Variants in TWF1 observed in about 807,000 individuals in gnomAD.
TWF1 encodes twinfilin actin binding protein 1.
In TWF1, 14 loss-of-function variants were observed where a neutral mutation model predicts 47.9. The observed-to-expected ratio is 0.29, with a 90% CI of 0.19 to 0.46. TWF1 has a LOEUF of 0.46. Ranked by LOEUF, TWF1 falls within the 20% of genes least tolerant of loss-of-function variation. The pLI is 1.00. For synonymous variants in TWF1, 96 were observed against 139.2 expected (o/e 0.69, Z 2.18); for missense variants, 281 against 409.3 (o/e 0.69, Z 2.70).
intron 1 of TWF1, chr12:43,805,990 AT>A (rs765768179): frequency 1.3e-6 from 2 of 1,534,000 alleles, no homozygotes; most frequent in African/African-American, 2.7e-5. Flanking sequence ...GCTCCCCCGA[AT>A]TTCGGATCAA....
chr12:43,799,312 C>T (rs1454724500), intron 5 of TWF1, 86 bp downstream of exon 5: 1 of 855,870 alleles, frequency 1.2e-6, no homozygotes, highest in African/African-American at 1.7e-5. Flanking sequence ...TCTTTAATCT[C>T]TAGTTATCCT....
chr12:43,800,561 T>C (rs769392500), intron 3 of TWF1, 31 bp from the exon 4 acceptor site: 6 of 1,537,636 alleles, frequency 3.9e-6, no homozygotes, highest in African/African-American at 1.4e-5. Flanking sequence ...ACTTAGTTTA[T>C]AGATGAAAAC....
intron 2 of TWF1, chr12:43,804,105 C>A: frequency 3.3e-6 from 1 of 306,732 alleles, no homozygotes; most frequent in Non-Finnish European, 6.7e-6. Context: ...GTTTGATATC[C>A]TTTGTTTATA....
At chr12:43,800,151 T>G (rs1214250584) in intron 4 of TWF1, among the ~76,000 whole-genome samples, 1 of 152,194 alleles carries the variant, frequency 6.6e-6, no homozygotes, top group Non-Finnish European at 1.5e-5. Flanking sequence ...TATATTTCAG[T>G]GTTTCAATTT....
chr12:43,806,206 G>A lies in TWF1; in HGVS notation c.25+15C>T, dbSNP rs1942769044. ...CGGAAGCCCCTTCCCTGCGAGTCGC[G>A]CCGGGCGCTGTTACCTTGGATGCCG... On this transcript the variant is annotated intron_variant, in intron 1 of 8. Transcript: ENST00000395510. The A allele has an allele frequency of 2.6e-6, 4 of 1,539,720 alleles. No homozygotes were observed. Among genetic ancestry groups the A allele is most frequent in the Middle Eastern group, 1.9e-4 (1 of 5,260 alleles).
chr12:43,802,589 A>G, intron 2 of TWF1, 125 bp from the exon 3 acceptor site: 2 of 731,996 alleles, frequency 2.7e-6, no homozygotes, highest in Non-Finnish European at 4.5e-6. Flanking sequence ...CAAAAAGTTG[A>G]AAAGAAAAAT....
chr12:43,800,365 C>T, intron 4 of TWF1, 70 bp downstream of exon 4: 1 of 1,071,970 alleles, frequency 9.3e-7, no homozygotes. Context: ...GTATCAATTA[C>T]CCATTACCTA....
At chr12:43,805,218 T>C (rs1942735722) in intron 1 of TWF1, among the ~76,000 whole-genome samples, 1 of 152,228 alleles carries the variant, frequency 6.6e-6, no homozygotes, top group African/African-American at 2.4e-5. Flanking sequence ...CAAGAACCAC[T>C]ATGTAAGTAG....
At chr12:43,803,917 G>C (rs1206348551) in intron 2 of TWF1, among the ~76,000 whole-genome samples, 1 of 151,992 alleles carries the variant, frequency 6.6e-6, no homozygotes, top group Non-Finnish European at 1.5e-5. Context: ...AACAATAATT[G>C]TTCAAATTCA....
chr12:43,805,264 A>G (rs1162634276), intron 1 of TWF1, among the ~76,000 whole-genome samples: 1 of 152,256 alleles, frequency 6.6e-6, no homozygotes, highest in Non-Finnish European at 1.5e-5. Flanking sequence ...ATGAGAGTCA[A>G]TAACTACATA....
At chr12:43,796,107 G>A (rs965037649) in intron 8 of TWF1, among the ~76,000 whole-genome samples, 1 of 152,148 alleles carries the variant, frequency 6.6e-6, no homozygotes, top group African/African-American at 2.4e-5. Context: ...CCCTCTACAA[G>A]AGAGGTAAAC....
rs1942638729 is a variant in TWF1, at chr12:43,800,445, C to A, written c.368G>T (p.Gly123Val). ...GGGHIKDEVF[G>V]TVKEDVSLHG... Reference sequence around the variant, plus strand: ...ATACAAACATAATACCTTTACTGTTCCAAATACTTCATCTTTAATGTGGCC... The same window carrying A: ...ATACAAACATAATACCTTTACTGTTACAAATACTTCATCTTTAATGTGGCC... The change falls in exon 4 of 9, where the codon GGA (glycine) becomes GTA (valine). Residue 123 changes from glycine (G) to valine (V), a missense_variant. By Grantham distance (109) the Gly-to-Val change is moderately radical (BLOSUM62 -3). Coordinates refer to ENST00000395510, the MANE Select transcript of TWF1 (RefSeq NM_002822.5). The A allele has an allele frequency of 1.9e-6, 3 of 1,612,226 alleles. No individual in the cohort carries two copies. The East Asian group carries it at 6.7e-5, about 36-fold the overall frequency.
chr12:43,806,152 T>G, intron 1 of TWF1, 69 bp downstream of exon 1: 1 of 1,399,674 alleles, frequency 7.1e-7, no homozygotes, highest in Non-Finnish European at 9.7e-7. Flanking sequence ...CTGCCGGTCC[T>G]GCAGCCCTCC....
chr12:43,795,446 A>T lies in TWF1; in HGVS notation c.*139T>A. On this transcript the variant is annotated 3_prime_UTR_variant, in exon 9 of 9. Transcript: ENST00000395510. ...CTTCTATAACATTAATTTTAAAAACACACAGAAGTGAAAAGTGCTATTTTC... is the reference window on the plus strand; with the variant it reads ...CTTCTATAACATTAATTTTAAAAACTCACAGAAGTGAAAAGTGCTATTTTC... 1 of 665,304 alleles carries T rather than the reference A, an allele frequency of 1.5e-6. No individual in the cohort carries two copies. Among genetic ancestry groups the T allele is most frequent in the Non-Finnish European group, 2.5e-6 (1 of 403,264 alleles). 41.2% of individuals were successfully genotyped at this position (665,304 alleles called of 1,614,324 possible).
rs1026998124 is a variant in TWF1, at chr12:43,795,341, C to T, written c.*244G>A. 36 of 409,060 alleles carry T rather than the reference C, an allele frequency of 8.8e-5. No homozygotes were observed. Among genetic ancestry groups the T allele is most frequent in the East Asian group, 2.9e-4 (7 of 24,534 alleles). 25.3% of individuals were successfully genotyped at this position (409,060 alleles called of 1,614,324 possible). A position where few individuals can be genotyped will look rare whatever the true frequency, so the allele number is the denominator to read the frequency against. ...AGAAGTATTTGAAGTGTGGAATCAACGCTATGAAAACAGTGTGACAAAATT... is the reference window on the plus strand; with the variant it reads ...AGAAGTATTTGAAGTGTGGAATCAATGCTATGAAAACAGTGTGACAAAATT... On this transcript the variant is annotated 3_prime_UTR_variant, in exon 9 of 9. Transcript: ENST00000395510.
At position 43,806,172 on chromosome 12, in the gene TWF1, C is replaced by T. The variant is rs1388336210; in HGVS notation, c.25+49G>A. 2.6e-6 allele frequency: 4 copies of T among 1,537,254 alleles called. No homozygotes were observed. In the South Asian group the frequency reaches 3.6e-5, roughly 14 times the overall value. On this transcript the variant is annotated intron_variant, in intron 1 of 8. Transcript: ENST00000395510. Reference sequence around the variant, plus strand: ...GGTCCTGCAGCCCTCCCGGCTCTCCCGGCTCTCCCGGAAGCCCCTTCCCTG... The same window carrying T: ...GGTCCTGCAGCCCTCCCGGCTCTCCTGGCTCTCCCGGAAGCCCCTTCCCTG...
Position 43,797,711 on chromosome 12 carries a change from C to G in TWF1, c.606G>C (p.Gln202His). The change falls in exon 6 of 9, where the codon CAG becomes CAC. Residue 202 changes from glutamine to histidine, a missense_variant. Coordinates refer to ENST00000395510, the MANE Select transcript of TWF1 (RefSeq NM_002822.5). The stretch of plus-strand genomic sequence containing the variant: ...ATAATCATTATACATCTCTTACCAA[C>G]TGCACATAGTTGAGCTGTCTATTAT... ...KLNNRQLNYV[Q>H]LEIDIKNEII... 1.2e-6 allele frequency: 2 copies of G among 1,611,538 alleles called. No individual in the cohort carries two copies. Among genetic ancestry groups the G allele is most frequent in the Non-Finnish European group, 8.5e-7 (1 of 1,179,272 alleles).
Position 43,799,421 on chromosome 12 carries a change from G to T in TWF1, c.460C>A (p.Leu154Ile), listed in dbSNP as rs772151518. 1.2e-6 allele frequency: 2 copies of T among 1,609,010 alleles called. No individual in the cohort carries two copies. Among genetic ancestry groups the T allele is most frequent in the Admixed American group, 1.7e-5 (1 of 59,806 alleles). The change falls in exon 5 of 9, where the codon CTA becomes ATA. Residue 154 changes from leucine (L) to isoleucine (I), a missense_variant. By Grantham distance (5) the Leu-to-Ile change is conservative. Coordinates refer to ENST00000395510, the MANE Select transcript of TWF1 (RefSeq NM_002822.5). The part of the protein sequence containing the change: ...PAPLTAAEEE[L>I]RQIKINEVQT... ...ACCTCATTGATTTTAATCTGTCGTA[G>T]TTCTTCCTCAGCTGCAGTCAGTGGG...
Position 43,795,660 on chromosome 12 carries a change from T to TC in TWF1, c.977_978insG (p.Gly328ArgfsTer13), listed in dbSNP as rs777448386. 4.3e-6 allele frequency: 7 copies of TC among 1,613,450 alleles called. No individual in the cohort carries two copies. In the African/African-American group the frequency reaches 9.3e-5, roughly 22 times the overall value. On this transcript the variant is annotated frameshift_variant, in exon 9 of 9. Transcript: ENST00000395510. LOFTEE classifies it high-confidence loss of function. ...TTCCTCTTTTTCCTGCAGGACCTTT[T>TC]GGTTTTGCAAAACTTTGCTTGTGTG... is the stretch of plus-strand genomic sequence containing the variant.
Sources: gnomAD v4.1 joint callset for allele counts (sites outside exome capture counted in the v4.1 genomes callset) on GRCh38, gnomAD v4.1.1 for gene constraint, MANE v1.5 for transcripts, NCBI Gene and HGNC (gene_info 2026-07-23, HGNC 2026-07-21) for gene names.